CLASP2: variants seen among roughly 807,000 people sequenced by gnomAD.
The protein encoded by CLASP2 is CLIP-associating protein 2.
CLASP2 carries 47 observed loss-of-function variants against 194.4 expected under a neutral mutation model. That is an observed-to-expected ratio of 0.24 (90% CI 0.19 to 0.31). The LOEUF (loss-of-function observed/expected upper bound fraction) is 0.31. Ranked by LOEUF, CLASP2 falls within the 10% of genes least tolerant of loss-of-function variation. The pLI is 1.00. For missense variants in CLASP2, 1,445 were observed against 1,823.6 expected (o/e 0.79, Z 3.78); for synonymous variants, 619 against 633.5 (o/e 0.98, Z 0.34).
At chr3:33,704,407 T>TA (rs2092565980) in intron 1 of CLASP2, among the ~76,000 whole-genome samples, 1 of 151,816 alleles carries the variant, frequency 6.6e-6, no homozygotes, top group Non-Finnish European at 1.5e-5. Context: ...TAAAACCTAT[T>TA]AAAAAACAAA....
At chr3:33,570,857 ACAT>A (rs1162515442) in intron 25 of CLASP2, 67 bp from the exon 26 acceptor site, 1 of 1,268,652 alleles carries the variant, frequency 7.9e-7, no homozygotes. Context: ...AAGTAACTTT[ACAT>A]ATAATTTTCT....
chr3:33,560,158 C>T (rs976326340), intron 28 of CLASP2, among the ~76,000 whole-genome samples: 4 of 151,768 alleles, frequency 2.6e-5, no homozygotes, highest in East Asian at 1.9e-4. Context: ...CATAATAAAA[C>T]GTTGTTTAAA....
chr3:33,513,267 G>A (rs979856600), intron 36 of CLASP2, among the ~76,000 whole-genome samples: 5 of 152,100 alleles, frequency 3.3e-5, no homozygotes, highest in Non-Finnish European at 7.3e-5. Context: ...GGTCAGGCAA[G>A]GTGGCTCAAG....
In CLASP2 at chr3:33,718,088, G is replaced by C; in HGVS notation, c.-86C>G. The C allele has an allele frequency of 7.3e-7, 1 of 1,365,822 alleles. No homozygotes were observed. Among genetic ancestry groups the C allele is most frequent in the Non-Finnish European group, 9.5e-7 (1 of 1,050,076 alleles). The allele number at this position is 1,365,822 out of a possible 1,614,324, so 84.6% of individuals were successfully genotyped here. A position where few individuals can be genotyped will look rare whatever the true frequency, so the allele number is the denominator to read the frequency against. On this transcript the variant is annotated 5_prime_UTR_variant, in exon 1 of 39. Transcript: ENST00000682230. ...CAGCCTCCAGTGCGGGTCCCCGCGG[G>C]AGCGGGCGGGACTCACTTAGCCCGC...
At chr3:33,692,806 TAAAC>T (rs1457509196) in intron 2 of CLASP2, among the ~76,000 whole-genome samples, 2 of 152,194 alleles carry the variant, frequency 1.3e-5, no homozygotes, top group East Asian at 3.8e-4. Context: ...ATGAATGTGT[TAAAC>T]AAATGAATCA....
intron 18 of CLASP2, 86 bp from the exon 19 acceptor site, chr3:33,596,820 T>C (rs1037772342): frequency 4.4e-6 from 5 of 1,129,916 alleles, no homozygotes; most frequent in Non-Finnish European, 5.1e-6. Context: ...AACATTTTCT[T>C]TAAGAAGACA....
chr3:33,513,080 C>T (rs2050380421), intron 36 of CLASP2, among the ~76,000 whole-genome samples: 1 of 152,114 alleles, frequency 6.6e-6, no homozygotes, highest in African/African-American at 2.4e-5. Context: ...GCTTTAATAC[C>T]TTAAGGGTGT....
chr3:33,505,713 AGGC>A (rs1213897457), intron 37 of CLASP2, among the ~76,000 whole-genome samples: 2 of 152,220 alleles, frequency 1.3e-5, no homozygotes, highest in Non-Finnish European at 2.9e-5. Flanking sequence ...ACATCACTGA[AGGC>A]GGGACAACTA....
intron 8 of CLASP2, among the ~76,000 whole-genome samples, chr3:33,638,932 C>T (rs1434364529): frequency 6.6e-6 from 1 of 152,168 alleles, no homozygotes; most frequent in Non-Finnish European, 1.5e-5. Flanking sequence ...ACCCAAATTT[C>T]AGTCAAAAAG....
At chr3:33,591,005 AACCCAC>A (rs1383841748) in intron 21 of CLASP2, among the ~76,000 whole-genome samples, 4,384 of 151,636 alleles carry the variant, frequency 0.029, 207 homozygotes, top group African/African-American at 0.099. Flanking sequence ...ACACAGTGGG[AACCCAC>A]CTCTATAAAA....
intron 25 of CLASP2, among the ~76,000 whole-genome samples, chr3:33,571,075 G>A (rs796988351): frequency 1.1e-3 from 156 of 145,604 alleles, no homozygotes; most frequent in African/African-American, 3.7e-3. Context: ...GTGCAGTGGC[G>A]CGATCTCGGC....
At chr3:33,515,222 T>TA (rs960297189) in intron 36 of CLASP2, among the ~76,000 whole-genome samples, 12 of 151,878 alleles carry the variant, frequency 7.9e-5, no homozygotes, top group Admixed American at 2.6e-4. Flanking sequence ...CCTATTGAAA[T>TA]AAAAAAAATA....
chr3:33,578,934 T>C (rs921338377), intron 23 of CLASP2, among the ~76,000 whole-genome samples: 3 of 152,202 alleles, frequency 2.0e-5, no homozygotes, highest in Non-Finnish European at 4.4e-5. Context: ...TTGTGATTCA[T>C]CTGCTGAATA....
chr3:33,529,547 T>C (rs543636523), intron 34 of CLASP2, among the ~76,000 whole-genome samples: 15 of 152,276 alleles, frequency 9.9e-5, no homozygotes, highest in Non-Finnish European at 1.5e-4. Flanking sequence ...CATTCATATT[T>C]GAGGAGCCAT....
At chr3:33,618,984 G>A (rs1299471106) in intron 12 of CLASP2, among the ~76,000 whole-genome samples, 3 of 152,040 alleles carry the variant, frequency 2.0e-5, no homozygotes, top group Non-Finnish European at 4.4e-5. Context: ...AACCTACATG[G>A]TATAGCCTAC....
At chr3:33,562,610 C>T (rs1450395939) in intron 27 of CLASP2, among the ~76,000 whole-genome samples, 1 of 152,126 alleles carries the variant, frequency 6.6e-6, no homozygotes, top group African/African-American at 2.4e-5. Context: ...ATCAGAGCTT[C>T]CTGCCTCTCC....
At chr3:33,711,765 T>C (rs1340692954) in intron 1 of CLASP2, among the ~76,000 whole-genome samples, 1 of 151,826 alleles carries the variant, frequency 6.6e-6, no homozygotes, top group African/African-American at 2.4e-5. Flanking sequence ...CCAACAAACA[T>C]ATGAAAAAAT....
chr3:33,666,039 A>G (rs1447832854), intron 6 of CLASP2, among the ~76,000 whole-genome samples: 2 of 152,218 alleles, frequency 1.3e-5, no homozygotes, highest in Non-Finnish European at 2.9e-5. Context: ...GTAAAGTATT[A>G]GGAAGGTTCT....
chr3:33,511,344 A>G (rs2049735756), intron 36 of CLASP2, among the ~76,000 whole-genome samples: 1 of 152,020 alleles, frequency 6.6e-6, no homozygotes, highest in Admixed American at 6.6e-5. Flanking sequence ...GCGGCCTTAA[A>G]GTAGTTTTTA....
Sources: gnomAD v4.1 joint callset for allele counts (sites outside exome capture counted in the v4.1 genomes callset) on GRCh38, gnomAD v4.1.1 for gene constraint, MANE v1.5 for transcripts, NCBI Gene and HGNC (gene_info 2026-07-23, HGNC 2026-07-21) for gene names.